Variants in AHR observed in about 807,000 individuals in gnomAD.
AHR encodes the protein AH-receptor.
In AHR, 40 loss-of-function variants were observed where a neutral mutation model predicts 86.8. The observed-to-expected ratio is 0.46, with a 90% CI of 0.36 to 0.60. AHR has a LOEUF of 0.60. Among genes scored for constraint, AHR ranks in the 20% least tolerant of loss-of-function variants. The pLI is 0.00. For synonymous variants in AHR, 398 were observed against 354.9 expected, an observed-to-expected ratio of 1.12 and a Z score of -1.37; for missense variants, 1,001 against 1,011.6, an observed-to-expected ratio of 0.99 and a Z score of 0.14.
In AHR at chr7:17,339,387, A is replaced by C; in HGVS notation, c.1562A>C (p.Asn521Thr). The change falls in exon 10 of 11, where the codon AAC (asparagine) becomes ACC (threonine). Residue 521 changes from asparagine (N) to threonine (T), a missense_variant. By Grantham distance (65) the Asn-to-Thr change is moderately conservative. Transcript: ENST00000242057. ...CAAATTGACCAGCCTCAGGATGTGA[A>C]CTCATTTGCTGGAGGTCACCCAGGG... ...HEQIDQPQDV[N>T]SFAGGHPGLF... 1 of 1,614,200 alleles carries C rather than the reference A, an allele frequency of 6.2e-7. No individual in the cohort carries two copies. Among genetic ancestry groups the C allele is most frequent in the Non-Finnish European group, 8.5e-7 (1 of 1,180,028 alleles).
chr7:17,339,521 T>A lies in AHR; in HGVS notation c.1696T>A (p.Phe566Ile). The A allele has an allele frequency of 6.2e-7, 1 of 1,614,056 alleles. No individual in the cohort carries two copies. The highest frequency in any genetic ancestry group is 8.5e-7 in the Non-Finnish European group (1 of 1,180,006). Residue 566 changes from phenylalanine (F) to isoleucine (I), a missense_variant, in exon 10 of 11, where the codon TTT (phenylalanine) becomes ATT (isoleucine). Phe to Ile is a conservative substitution (Grantham distance 21, BLOSUM62 0). Coordinates refer to ENST00000242057, the MANE Select transcript of AHR (RefSeq NM_001621.5). ...GAATGAAAAATTTTTCAGAAATGAT[T>A]TTTCTGGTGAGGTTGACTTCAGAGA... ...MQNEKFFRNDFSGEVDFRDID... is the reference protein window; with the variant it reads ...MQNEKFFRNDISGEVDFRDID...
At position 17,342,908 on chromosome 7, in the gene AHR, T is replaced by G; in HGVS notation, c.2404-13T>G. 6.2e-7 allele frequency: 1 copy of G among 1,610,138 alleles called. No individual in the cohort carries two copies. The highest frequency in any genetic ancestry group is 8.5e-7 in the Non-Finnish European group (1 of 1,177,708). On this transcript the variant is annotated splice_polypyrimidine_tract_variant and intron_variant, in intron 10 of 10. Coordinates refer to ENST00000242057, the MANE Select transcript of AHR (RefSeq NM_001621.5). ...TCTATTCCAATAAGTTGCATCACCA[T>G]TTTTGTTTTCAGTTTCAGAATGGAG...
At chr7:17,308,722 C>G (rs2115352362) in intron 1 of AHR, among the ~76,000 whole-genome samples, 1 of 152,132 alleles carries the variant, frequency 6.6e-6, no homozygotes, top group Non-Finnish European at 1.5e-5. Flanking sequence ...CACACACACA[C>G]ACACACACAT....
chr7:17,330,329 A>C (rs1392245095), intron 5 of AHR, among the ~76,000 whole-genome samples: 3 of 151,966 alleles, frequency 2.0e-5, no homozygotes, highest in Admixed American at 2.0e-4. Flanking sequence ...TATAAAAATA[A>C]GTAGTACCTT....
chr7:17,336,243 C>T (rs1308116995), intron 9 of AHR, among the ~76,000 whole-genome samples: 2 of 151,956 alleles, frequency 1.3e-5, no homozygotes. Flanking sequence ...ATTGATTCCC[C>T]CCAGCCATTA....
Position 17,334,974 on chromosome 7 carries a change from T to C in AHR, c.996T>C (p.Tyr332=). Residue 332 remains tyrosine, a synonymous_variant, in exon 8 of 11, where the codon TAT becomes TAC. Transcript: ENST00000242057. ...TTATTCATGCAGCTGATATGCTTTA[T>C]TGTGCCGAGTCCCATATCCGAAGTA... ...YQFIHAADML[Y]CAESHIRMIK... The C allele has an allele frequency of 6.2e-7, 1 of 1,613,260 alleles. No homozygotes were observed. The highest frequency in any genetic ancestry group is 8.5e-7 in the Non-Finnish European group (1 of 1,179,370).
intron 1 of AHR, among the ~76,000 whole-genome samples, chr7:17,308,402 ATAGT>A (rs1478640454): frequency 6.6e-6 from 1 of 152,014 alleles, no homozygotes; most frequent in Admixed American, 6.6e-5. Flanking sequence ...CACTTTTTGA[ATAGT>A]TAGGAGAAAA....
At chr7:17,304,941 G>A (rs765463793) in intron 1 of AHR, among the ~76,000 whole-genome samples, 3 of 151,984 alleles carry the variant, frequency 2.0e-5, no homozygotes, top group East Asian at 1.9e-4. Flanking sequence ...GAAGGGGGAG[G>A]GGAAACAATG....
intron 1 of AHR, among the ~76,000 whole-genome samples, chr7:17,301,116 A>G (rs1038125923): frequency 3.9e-5 from 6 of 152,044 alleles, no homozygotes; most frequent in African/African-American, 1.4e-4. Flanking sequence ...CCATTCACCC[A>G]CATTTTGTTA....
At chr7:17,305,851 G>A (rs1306915967) in intron 1 of AHR, among the ~76,000 whole-genome samples, 1 of 152,056 alleles carries the variant, frequency 6.6e-6, no homozygotes, top group East Asian at 1.9e-4. Context: ...CTTTTTTGAT[G>A]GAGATGTTAA....
At chr7:17,340,340 G>T in intron 10 of AHR, 112 bp downstream of exon 10, 2 of 1,366,870 alleles carry the variant, frequency 1.5e-6, no homozygotes, top group Non-Finnish European at 9.6e-7. Context: ...CAGCATTCAT[G>T]GAGACAGCAT....
Position 17,340,202 on chromosome 7 carries a change from C to T in AHR, c.2377C>T (p.Pro793Ser). ...TCAGATGCAGTACAATCCAGTACTG[C>T]CAGGCCAACAGGCATTTTTAAACAA... ...VGQMQYNPVL[P>S]GQQAFLNKFQ... The change falls in exon 10 of 11, where the codon CCA (proline) becomes TCA (serine). Residue 793 changes from proline (P) to serine (S), a missense_variant. Coordinates refer to ENST00000242057, the MANE Select transcript of AHR (RefSeq NM_001621.5). 1 of 1,609,414 alleles carries T rather than the reference C, an allele frequency of 6.2e-7. No homozygotes were observed. Among genetic ancestry groups the T allele is most frequent in the Non-Finnish European group, 8.5e-7 (1 of 1,177,358 alleles).
intron 2 of AHR, among the ~76,000 whole-genome samples, chr7:17,313,182 G>A (rs971133538): frequency 3.9e-5 from 6 of 151,944 alleles, no homozygotes; most frequent in African/African-American, 1.5e-4. Context: ...GTCTGGAAAG[G>A]CAATGCAACA....
intron 3 of AHR, among the ~76,000 whole-genome samples, chr7:17,323,960 TAGAC>T (rs1584036435): frequency 1.3e-5 from 2 of 152,194 alleles, no homozygotes; most frequent in South Asian, 2.1e-4. Context: ...TCAGGTGAAA[TAGAC>T]AGATATGTAC....
chr7:17,327,440 T>C (rs561268852), intron 3 of AHR, among the ~76,000 whole-genome samples: 1 of 152,064 alleles, frequency 6.6e-6, no homozygotes, highest in Admixed American at 6.6e-5. Flanking sequence ...TAGACTATAG[T>C]GAATGATGTC....
At chr7:17,306,053 CT>C (rs752049134) in intron 1 of AHR, among the ~76,000 whole-genome samples, 2 of 152,116 alleles carry the variant, frequency 1.3e-5, no homozygotes, top group Admixed American at 6.6e-5. Flanking sequence ...TAAGTTACTC[CT>C]TTGCCTGACC....
chr7:17,337,565 C>T (rs1236009803), intron 9 of AHR, among the ~76,000 whole-genome samples: 1 of 150,558 alleles, frequency 6.6e-6, no homozygotes, highest in Non-Finnish European at 1.5e-5. Flanking sequence ...AGCTCCGCCA[C>T]CCGGGTTCAC....
chr7:17,313,886 G>A (rs1479948536), intron 2 of AHR, among the ~76,000 whole-genome samples: 1 of 152,048 alleles, frequency 6.6e-6, no homozygotes, highest in Non-Finnish European at 1.5e-5. Context: ...GAAGAGAAAG[G>A]ATTGTTTCCT....
chr7:17,327,593 G>A (rs1285372098), intron 3 of AHR, among the ~76,000 whole-genome samples, 166 bp from the exon 4 acceptor site: 1 of 151,888 alleles, frequency 6.6e-6, no homozygotes, highest in Non-Finnish European at 1.5e-5. Flanking sequence ...CAAAAGGTAT[G>A]AATAGATATT....
Sources: allele counts gnomAD v4.1 joint callset (sites outside exome capture counted in the v4.1 genomes callset), GRCh38; gene constraint gnomAD v4.1.1; transcripts MANE v1.5; gene names NCBI Gene and HGNC (gene_info 2026-07-23, HGNC 2026-07-21).